The following ROBO1 variants were observed in gnomAD, a reference collection of about 807,000 sequenced individuals.
ROBO1 encodes the protein roundabout homolog 1.
A neutral mutation model predicts 195.9 loss-of-function variants in ROBO1; 149 were observed. The observed-to-expected ratio is 0.76, with a 90% CI of 0.67 to 0.87. The LOEUF (loss-of-function observed/expected upper bound fraction) is 0.87. Ranked by LOEUF, ROBO1 falls within the 40% of genes least tolerant of loss-of-function variation. The pLI is 0.00. For synonymous variants in ROBO1, 816 were observed against 733.2 expected, an observed-to-expected ratio of 1.11 and a Z score of -1.82; for missense variants, 1,933 against 2,068.3, an observed-to-expected ratio of 0.93 and a Z score of 1.27.
intron 2 of ROBO1, among the ~76,000 whole-genome samples, chr3:79,168,193 G>A (rs1337312490): frequency 5.3e-5 from 8 of 152,020 alleles, no homozygotes; most frequent in South Asian, 2.1e-4. Context: ...TTGCGTATTC[G>A]GAGAAGAGCC....
intron 2 of ROBO1, among the ~76,000 whole-genome samples, chr3:79,430,872 A>G (rs568223183): frequency 1.4e-4 from 22 of 152,130 alleles, no homozygotes; most frequent in Non-Finnish European, 2.6e-4. Flanking sequence ...TGGGAAGAGA[A>G]TGAAGACATT....
chr3:79,620,899 G>A (rs551087228), intron 1 of ROBO1, among the ~76,000 whole-genome samples: 1 of 152,070 alleles, frequency 6.6e-6, no homozygotes, highest in South Asian at 2.1e-4. Context: ...CAACTCTCCT[G>A]TCCTACCTGT....
chr3:78,782,198 T>C (rs2083696985), intron 4 of ROBO1, among the ~76,000 whole-genome samples: 3 of 152,180 alleles, frequency 2.0e-5, no homozygotes, highest in Admixed American at 1.3e-4. Context: ...GAAATTCTTT[T>C]TTTTTTCTTC....
intron 2 of ROBO1, among the ~76,000 whole-genome samples, chr3:79,446,900 T>A (rs955993190): frequency 6.6e-6 from 1 of 152,158 alleles, no homozygotes; most frequent in African/African-American, 2.4e-5. Context: ...CTCGGCTCAC[T>A]GTGACCTCCG....
intron 5 of ROBO1, among the ~76,000 whole-genome samples, chr3:78,736,155 G>A (rs894569790): frequency 3.3e-5 from 5 of 152,086 alleles, no homozygotes; most frequent in South Asian, 2.1e-4. Context: ...TAAGAAATAC[G>A]TAATTGTATG....
intron 1 of ROBO1, among the ~76,000 whole-genome samples, chr3:79,611,793 TG>T (rs796298979): frequency 2.8e-4 from 43 of 151,998 alleles, no homozygotes; most frequent in African/African-American, 1.0e-3. Context: ...ATGTGGATGA[TG>T]GGTTGAGGGG....
chr3:79,708,337 T>C (rs1185162933), intron 1 of ROBO1, among the ~76,000 whole-genome samples: 3 of 152,194 alleles, frequency 2.0e-5, no homozygotes, highest in African/African-American at 7.2e-5. Context: ...ATAGTATTCA[T>C]TTTCCAATTC....
intron 3 of ROBO1, among the ~76,000 whole-genome samples, chr3:79,019,822 A>G (rs2078061012): frequency 6.6e-6 from 1 of 151,920 alleles, no homozygotes; most frequent in African/African-American, 2.4e-5. Flanking sequence ...ATTGGAATAA[A>G]CTCTCAACTC....
intron 2 of ROBO1, among the ~76,000 whole-genome samples, chr3:79,222,362 T>C (rs767067264): frequency 1.3e-5 from 2 of 152,110 alleles, no homozygotes; most frequent in Non-Finnish European, 1.5e-5. Flanking sequence ...ATATTTCTTA[T>C]ATTTTTGCCA....
chr3:79,167,683 C>A (rs947916069), intron 2 of ROBO1, among the ~76,000 whole-genome samples: 2 of 152,212 alleles, frequency 1.3e-5, no homozygotes, highest in South Asian at 2.1e-4. Context: ...CCAGATCTTA[C>A]AATGACTAGT....
intron 1 of ROBO1, among the ~76,000 whole-genome samples, chr3:79,633,022 A>T (rs947266035): frequency 6.6e-6 from 1 of 152,170 alleles, no homozygotes; most frequent in Non-Finnish European, 1.5e-5. Flanking sequence ...ATTAAAAAAA[A>T]GTTAAATGCT....
rs1305454478 is a variant in ROBO1 at position 79,134,805 on chromosome 3, G to A, written c.89-9266C>T. On this transcript the variant is annotated intron_variant, in intron 2 of 30. Transcript: ENST00000464233. ...TCGCAAGAACAAAAAACCAAACACC[G>A]CATATTCTCACTCATAGGTGGGAAT... 3.4e-3 allele frequency among the ~76,000 whole-genome samples: 323 copies of A among 94,130 alleles called. 4 individuals carry two copies. Among genetic ancestry groups the A allele is most frequent in the Non-Finnish European group, 4.8e-3 (232 of 48,318 alleles). 61.8% of individuals were successfully genotyped at this position (94,130 alleles called of 152,430 possible). A position where few individuals can be genotyped will look rare whatever the true frequency, so the allele number is the denominator to read the frequency against.
At chr3:79,625,493 T>TCAAATG (rs1945148353) in intron 1 of ROBO1, among the ~76,000 whole-genome samples, 1 of 79,346 alleles carries the variant, frequency 1.3e-5, no homozygotes, top group Admixed American at 1.5e-4. Flanking sequence ...GAGAGAAGAA[T>TCAAATG]CAAATGCACA....
intron 1 of ROBO1, among the ~76,000 whole-genome samples, chr3:79,644,389 T>C (rs1238190114): frequency 1.3e-5 from 2 of 152,146 alleles, no homozygotes; most frequent in Non-Finnish European, 2.9e-5. Flanking sequence ...TACCTGAGAC[T>C]GGGCAAGTTA....
chr3:79,757,055 A>G (rs1359003357), intron 1 of ROBO1, among the ~76,000 whole-genome samples: 5 of 152,212 alleles, frequency 3.3e-5, no homozygotes, highest in Non-Finnish European at 7.4e-5. Flanking sequence ...TTGTTTATTC[A>G]TTCATTCATC....
intron 2 of ROBO1, among the ~76,000 whole-genome samples, chr3:79,233,716 T>G (rs2082358415): frequency 6.6e-6 from 1 of 152,086 alleles, no homozygotes; most frequent in South Asian, 2.1e-4. Flanking sequence ...TATGTGCTAT[T>G]TTAAAAATAA....
At chr3:79,177,324 G>C (rs1484812225) in intron 2 of ROBO1, among the ~76,000 whole-genome samples, 1 of 152,224 alleles carries the variant, frequency 6.6e-6, no homozygotes, top group Non-Finnish European at 1.5e-5. Flanking sequence ...CCATTTTGGA[G>C]TCAGAATTCT....
At chr3:78,957,102 C>T (rs570406382) in intron 3 of ROBO1, among the ~76,000 whole-genome samples, 2 of 152,120 alleles carry the variant, frequency 1.3e-5, no homozygotes, top group South Asian at 2.1e-4. Context: ...AAATAATCCA[C>T]GATCTTCTGG....
intron 5 of ROBO1, among the ~76,000 whole-genome samples, chr3:78,733,240 GA>G (rs2082321445): frequency 1.3e-5 from 2 of 152,066 alleles, no homozygotes; most frequent in African/African-American, 2.4e-5. Context: ...TAATGAAAAG[GA>G]AATCTCAATC....
Sources: gnomAD v4.1 joint callset for allele counts (sites outside exome capture counted in the v4.1 genomes callset) on GRCh38, gnomAD v4.1.1 for gene constraint, MANE v1.5 for transcripts, NCBI Gene and HGNC (gene_info 2026-07-23, HGNC 2026-07-21) for gene names.